AP3D1: variants seen among roughly 807,000 people sequenced by gnomAD.
The protein encoded by AP3D1 is AP-3 complex subunit delta-1.
A neutral mutation model predicts 147.6 loss-of-function variants in AP3D1; 51 were observed. That is an observed-to-expected ratio of 0.35 (90% CI 0.28 to 0.44). The LOEUF is 0.44. Ranked by LOEUF, AP3D1 falls within the 20% of genes least tolerant of loss-of-function variation. The pLI, the probability that AP3D1 is intolerant of heterozygous loss-of-function variation, is 1.00. For missense variants in AP3D1, 1,421 were observed against 1,624.2 expected (o/e 0.87, Z 2.15); for synonymous variants, 760 against 663.0 (o/e 1.15, Z -2.25).
Position 2,106,995 on chromosome 19 carries a change from G to A in AP3D1, c.3552+1692C>T, listed in dbSNP as rs926965813. Among the ~76,000 whole-genome samples the A allele has an allele frequency of 2.6e-5, 4 of 152,240 alleles. No individual in the cohort carries two copies. The South Asian group carries it at 8.3e-4, about 32-fold the overall frequency. On this transcript the variant is annotated intron_variant, in intron 31 of 31. Transcript: ENST00000643116. ...ACAGCAATGACAGGCCGGACGCAGT[G>A]GCTCACACCTGTAATCCCAGCACTT...
chr19:2,111,101 C>T, intron 26 of AP3D1, 184 bp downstream of exon 26: 1 of 932,770 alleles, frequency 1.1e-6, no homozygotes, highest in Non-Finnish European at 1.6e-6. Context: ...CAGTCCAAGT[C>T]TCAGGGCATG....
In AP3D1 at chr19:2,137,100, G is replaced by C; in HGVS notation, c.274-9C>G. On this transcript the variant is annotated splice_polypyrimidine_tract_variant and intron_variant, in intron 3 of 31. Coordinates refer to ENST00000643116, the MANE Select transcript of AP3D1 (RefSeq NM_001261826.3). ...GCGAGGTAGCCAATTCGCTGGGAGA[G>C]AACAGATGAGCACATCAGAGGCAGG... 1 of 1,575,254 alleles carries C rather than the reference G, an allele frequency of 6.3e-7. No individual in the cohort carries two copies. Among genetic ancestry groups the C allele is most frequent in the Non-Finnish European group, 8.6e-7 (1 of 1,160,660 alleles).
rs146868812 is a variant in AP3D1, at chr19:2,125,806, T to C, written c.856+1346A>G. 4.7e-3 allele frequency among the ~76,000 whole-genome samples: 711 copies of C among 150,988 alleles called. 12 individuals are homozygous for C. Among genetic ancestry groups the C allele is most frequent in the East Asian group, 0.043 (222 of 5,138 alleles). ...GTGTACCTTAAAAATATACCATTTT[T>C]AATTGTCAACTATACCTAAGTAAAG... On this transcript the variant is annotated intron_variant, in intron 9 of 31. Transcript: ENST00000643116.
Position 2,102,039 on chromosome 19 carries a change from C to G in AP3D1, c.*134G>C. 1.5e-6 allele frequency: 1 copy of G among 679,954 alleles called. No individual in the cohort carries two copies. Among genetic ancestry groups the G allele is most frequent in the Middle Eastern group, 4.2e-4 (1 of 2,354 alleles). The allele number at this position is 679,954 out of a possible 1,614,324, so 42.1% of individuals were successfully genotyped here. On this transcript the variant is annotated 3_prime_UTR_variant, in exon 32 of 32. Transcript: ENST00000643116. ...CAACAAATGACCTCGGATGTCTACA[C>G]GGCGGACAACATAGAGTTAAATTAA...
At chr19:2,156,021 C>G (rs1486441859), upstream of AP3D1, among the ~76,000 whole-genome samples, 1 of 150,242 alleles carries the variant, frequency 6.7e-6, no homozygotes, top group Admixed American at 6.7e-5. Flanking sequence ...CCACTGCACT[C>G]CAGCCTGGAC....
At chr19:2,153,304 G>A (rs1351356314), upstream of AP3D1, among the ~76,000 whole-genome samples, 1 of 149,926 alleles carries the variant, frequency 6.7e-6, no homozygotes, top group Non-Finnish European at 1.5e-5. Flanking sequence ...AGTCCAGGAG[G>A]CAGAGGTTGC....
At chr19:2,118,889 G>C in intron 14 of AP3D1, 57 bp from the exon 15 acceptor site, 1 of 1,528,366 alleles carries the variant, frequency 6.5e-7, no homozygotes, top group South Asian at 1.2e-5. Context: ...CTCCTCTCTA[G>C]CAGGTGAGGA....
intron 4 of AP3D1, among the ~76,000 whole-genome samples, chr19:2,133,803 A>G (rs538700814): frequency 1.3e-4 from 19 of 148,874 alleles, no homozygotes; most frequent in Admixed American, 4.0e-4. Context: ...TGCGGGGCCA[A>G]CTGGTTCTTT....
intron 24 of AP3D1, 183 bp from the exon 25 acceptor site, chr19:2,112,011 A>T: frequency 1.1e-6 from 1 of 948,916 alleles, no homozygotes; most frequent in Non-Finnish European, 1.5e-6. Flanking sequence ...GGCCCAGCGG[A>T]GGCTGGGGCC....
chr19:2,118,635 A>G lies in AP3D1; in HGVS notation c.1679T>C (p.Phe560Ser). Reference sequence around the variant, plus strand: ...CACCTCCAGGTCTGCGCTCTGCACAAACTGGGGCAGCCGGTCCACCATGAG... The same window carrying G: ...CACCTCCAGGTCTGCGCTCTGCACAGACTGGGGCAGCCGGTCCACCATGAG... ...TQLMVDRLPQFVQSADLEVQE... is the reference protein window; with the variant it reads ...TQLMVDRLPQSVQSADLEVQE... The change falls in exon 15 of 32, where the codon TTT (phenylalanine) becomes TCT (serine). Residue 560 changes from phenylalanine to serine, a missense_variant. Coordinates refer to ENST00000643116, the MANE Select transcript of AP3D1 (RefSeq NM_001261826.3). The G allele has an allele frequency of 6.2e-7, 1 of 1,611,938 alleles. No homozygotes were observed. Among genetic ancestry groups the G allele is most frequent in the Non-Finnish European group, 8.5e-7 (1 of 1,179,994 alleles).
At chr19:2,142,214 T>C (rs1449519299) in intron 1 of AP3D1, among the ~76,000 whole-genome samples, 2 of 151,960 alleles carry the variant, frequency 1.3e-5, no homozygotes, top group African/African-American at 4.8e-5. Flanking sequence ...GGTTTAGCCA[T>C]GTTGGCCAGG....
At chr19:2,115,694 G>T in intron 18 of AP3D1, 81 bp from the exon 19 acceptor site, 1 of 1,427,110 alleles carries the variant, frequency 7.0e-7, no homozygotes, top group Non-Finnish European at 9.6e-7. Flanking sequence ...TGCAGGGAGC[G>T]TGACGCAGCC....
chr19:2,127,586 G>A (rs921511013), intron 8 of AP3D1, among the ~76,000 whole-genome samples: 3 of 152,180 alleles, frequency 2.0e-5, no homozygotes, highest in Non-Finnish European at 2.9e-5. Context: ...GTGCAATGGC[G>A]CGGCCTCGGC....
chr19:2,104,190 C>T (rs971654319), intron 31 of AP3D1, among the ~76,000 whole-genome samples: 7 of 145,116 alleles, frequency 4.8e-5, no homozygotes, highest in Non-Finnish European at 7.5e-5. Context: ...ACGCTGAGAC[C>T]GCAACACCGA....
At chr19:2,157,464 A>G (rs2019657033) in intron 1 of AP3D1, among the ~76,000 whole-genome samples, 3 of 147,248 alleles carry the variant, frequency 2.0e-5, no homozygotes, top group African/African-American at 4.9e-5. Context: ...AAAAAAAGAA[A>G]AAAACAAACA....
chr19:2,141,436 CTTT>C (rs571171291), intron 1 of AP3D1, among the ~76,000 whole-genome samples: 7 of 130,462 alleles, frequency 5.4e-5, no homozygotes, highest in Non-Finnish European at 5.0e-5. Context: ...CCCTGGGGTA[CTTT>C]TTTTTTTTTT....
intron 31 of AP3D1, among the ~76,000 whole-genome samples, chr19:2,106,911 G>A (rs1393398895): frequency 6.6e-6 from 1 of 152,158 alleles, no homozygotes; most frequent in East Asian, 1.9e-4. Context: ...GCAACGGGGA[G>A]TGAGTGTTTC....
At chr19:2,156,522 C>T (rs1568315037), upstream of AP3D1, among the ~76,000 whole-genome samples, 3 of 151,256 alleles carry the variant, frequency 2.0e-5, no homozygotes. Flanking sequence ...CACCCACCCA[C>T]CCATCCATCC....
At chr19:2,146,698 GA>G (rs2019365951) in intron 1 of AP3D1, among the ~76,000 whole-genome samples, 1 of 151,236 alleles carries the variant, frequency 6.6e-6, no homozygotes. Context: ...AGCACATTTA[GA>G]ATCCACGCCC....
Sources: allele counts gnomAD v4.1 joint callset (sites outside exome capture counted in the v4.1 genomes callset), GRCh38; gene constraint gnomAD v4.1.1; transcripts MANE v1.5; gene names NCBI Gene and HGNC (gene_info 2026-07-23, HGNC 2026-07-21).